ESRP1: variants seen among roughly 807,000 people sequenced by gnomAD.
ESRP1 encodes RNA-binding motif protein 35A.
Under a neutral mutation model 81.7 loss-of-function variants are expected in ESRP1, and 33 were observed. That is an observed-to-expected ratio of 0.40 (90% CI 0.31 to 0.54). The LOEUF (loss-of-function observed/expected upper bound fraction) is 0.54. ESRP1 is among the 20% of genes least tolerant of loss of function. The pLI is 0.41. For missense variants in ESRP1, 672 were observed against 833.1 expected (o/e 0.81, Z 2.38); for synonymous variants, 320 against 303.3 (o/e 1.06, Z -0.57).
At chr8:94,645,440 A>G (rs1817799827) in intron 3 of ESRP1, among the ~76,000 whole-genome samples, 2 of 151,440 alleles carry the variant, frequency 1.3e-5, no homozygotes, top group Admixed American at 6.6e-5. Flanking sequence ...AAAAAAAAAC[A>G]AAGGAAACAA....
intron 4 of ESRP1, among the ~76,000 whole-genome samples, chr8:94,657,468 T>TATGC (rs1554576332): frequency 9.6e-4 from 97 of 101,278 alleles, no homozygotes; most frequent in African/African-American, 3.1e-3. Context: ...ATTGAGGCTG[T>TATGC]GTGCGTGTGT....
At chr8:94,674,224 T>A in intron 11 of ESRP1, 84 bp from the exon 12 acceptor site, 1 of 1,451,460 alleles carries the variant, frequency 6.9e-7, no homozygotes, top group Admixed American at 2.0e-5. Flanking sequence ...TGGGTGATTG[T>A]CACTTTGCAT....
chr8:94,652,142 C>A (rs553339932), intron 4 of ESRP1, among the ~76,000 whole-genome samples: 1 of 152,002 alleles, frequency 6.6e-6, no homozygotes, highest in East Asian at 1.9e-4. Context: ...CATGTGCCAC[C>A]ATGCCCAGCT....
chr8:94,642,131 C>A, intron 2 of ESRP1, 47 bp downstream of exon 2: 1 of 1,593,084 alleles, frequency 6.3e-7, no homozygotes. Context: ...GGCCCAACCC[C>A]ACCGCACCCT....
intron 13 of ESRP1, among the ~76,000 whole-genome samples, chr8:94,682,507 T>TA (rs1417343691): frequency 6.6e-6 from 1 of 151,712 alleles, no homozygotes; most frequent in African/African-American, 2.4e-5. Flanking sequence ...GCTGAGACTA[T>TA]AGGCATGCAC....
intron 4 of ESRP1, among the ~76,000 whole-genome samples, chr8:94,658,592 G>T (rs2130590527): frequency 6.6e-6 from 1 of 152,300 alleles, no homozygotes; most frequent in Non-Finnish European, 1.5e-5. Flanking sequence ...TGTTGAGAAG[G>T]CTAGGTAATC....
chr8:94,651,536 A>G (rs1818130969), intron 4 of ESRP1, among the ~76,000 whole-genome samples: 1 of 152,204 alleles, frequency 6.6e-6, no homozygotes, highest in South Asian at 2.1e-4. Flanking sequence ...AATCTTGAGT[A>G]TTCCAAAATG....
chr8:94,681,161 TA>T (rs369027578), intron 13 of ESRP1, among the ~76,000 whole-genome samples: 9,009 of 150,558 alleles, frequency 0.06, 371 homozygotes, highest in African/African-American at 0.12. Flanking sequence ...CCGTCTCTAC[TA>T]AAAAATACAA....
chr8:94,686,383 A>G (rs1309559503), intron 13 of ESRP1, among the ~76,000 whole-genome samples: 2 of 152,266 alleles, frequency 1.3e-5, no homozygotes, highest in Non-Finnish European at 2.9e-5. Flanking sequence ...GATCCTAAGT[A>G]ATCAATGTCT....
intron 14 of ESRP1, among the ~76,000 whole-genome samples, chr8:94,695,869 C>A (rs1809585880): frequency 6.6e-6 from 1 of 151,362 alleles, no homozygotes; most frequent in African/African-American, 2.4e-5. Flanking sequence ...TCAAGACCAG[C>A]CTGGCCAACA....
At chr8:94,689,534 CTT>C (rs1409864895) in intron 13 of ESRP1, among the ~76,000 whole-genome samples, 1 of 151,446 alleles carries the variant, frequency 6.6e-6, no homozygotes, top group African/African-American at 2.4e-5. Context: ...TTAGTAAATT[CTT>C]TTTTATTTTT....
intron 15 of ESRP1, among the ~76,000 whole-genome samples, chr8:94,700,878 G>A (rs961999106): frequency 7.9e-5 from 12 of 151,474 alleles, no homozygotes; most frequent in Admixed American, 5.9e-4. Flanking sequence ...GTAGTGAGCC[G>A]AGATCGCGCC....
intron 12 of ESRP1, among the ~76,000 whole-genome samples, chr8:94,677,609 A>G (rs1808698834): frequency 6.6e-6 from 1 of 152,230 alleles, no homozygotes; most frequent in African/African-American, 2.4e-5. Context: ...GATATAAATT[A>G]GCTTCAAAGC....
At chr8:94,692,414 G>A (rs1809439493) in intron 13 of ESRP1, among the ~76,000 whole-genome samples, 1 of 152,082 alleles carries the variant, frequency 6.6e-6, no homozygotes, top group Non-Finnish European at 1.5e-5. Context: ...GCTTACTTCT[G>A]TCCTTCTCTT....
chr8:94,660,026 CA>C (rs1172398450), intron 4 of ESRP1, among the ~76,000 whole-genome samples: 3 of 152,198 alleles, frequency 2.0e-5, no homozygotes, highest in African/African-American at 7.2e-5. Context: ...AGCTCTACGA[CA>C]TAATTCAAAG....
intron 4 of ESRP1, 38 bp from the exon 5 acceptor site, chr8:94,662,234 T>TA: frequency 1.5e-6 from 2 of 1,328,296 alleles, no homozygotes; most frequent in Non-Finnish European, 2.1e-6. Flanking sequence ...TAACCTGATT[T>TA]TACCTTTCCA....
At chr8:94,693,646 G>A (rs1586255166) in intron 14 of ESRP1, among the ~76,000 whole-genome samples, 2 of 152,108 alleles carry the variant, frequency 1.3e-5, no homozygotes, top group Non-Finnish European at 2.9e-5. Context: ...TCTGAACGTT[G>A]CTTGAGTCTT....
At chr8:94,691,087 C>A (rs1412307517) in intron 13 of ESRP1, among the ~76,000 whole-genome samples, 4 of 152,166 alleles carry the variant, frequency 2.6e-5, no homozygotes, top group Non-Finnish European at 4.4e-5. Context: ...CCTACTCAGA[C>A]CAAAAGTTTA....
Position 94,641,384 on chromosome 8 carries a change from G to A in ESRP1, c.66G>A (p.Lys22=), listed in dbSNP as rs1474898674. The change falls in exon 1 of 16, where the codon AAG becomes AAA. Residue 22 remains lysine, a synonymous_variant. Coordinates refer to ENST00000433389, the MANE Select transcript of ESRP1 (RefSeq NM_017697.4). The part of the protein sequence containing the change: ...FGITAGATGA[K]LGSDEKELIL... ...TCACTGCTGGGGCCACCGGGGCCAA[G>A]CTAGGCTCGGATGAGAAGGAGTTGA... 1 of 1,613,964 alleles carries A rather than the reference G, an allele frequency of 6.2e-7. No individual in the cohort carries two copies. Among genetic ancestry groups the A allele is most frequent in the Non-Finnish European group, 8.5e-7 (1 of 1,179,882 alleles).
Sources: allele counts gnomAD v4.1 joint callset (sites outside exome capture counted in the v4.1 genomes callset), GRCh38; gene constraint gnomAD v4.1.1; transcripts MANE v1.5; gene names NCBI Gene and HGNC (gene_info 2026-07-23, HGNC 2026-07-21).